The following TMEFF2 variants were observed in gnomAD, a reference collection of about 807,000 sequenced individuals.
TMEFF2 encodes the protein transmembrane protein with EGF like and two follistatin like domains 2, also known as tomoregulin-2.
In TMEFF2, 28 loss-of-function variants were observed where a neutral mutation model predicts 53.8. The ratio of observed to expected loss-of-function variants is 0.52; its 90% CI spans 0.39 to 0.71. The LOEUF is 0.71. TMEFF2 is among the 30% of genes least tolerant of loss of function. TMEFF2 has a pLI of 0.00. For synonymous variants in TMEFF2, 162 were observed against 166.3 expected, an observed-to-expected ratio of 0.97 and a Z score of 0.20; for missense variants, 353 against 455.2, an observed-to-expected ratio of 0.78 and a Z score of 2.04.
chr2:191,973,782 G>C (rs1316897515), intron 7 of TMEFF2, among the ~76,000 whole-genome samples: 1 of 152,122 alleles, frequency 6.6e-6, no homozygotes, highest in Non-Finnish European at 1.5e-5. Context: ...AATCATGGGG[G>C]CAGTTACCTC....
intron 3 of TMEFF2, 99 bp downstream of exon 3, chr2:192,184,255 A>G: frequency 1.4e-6 from 2 of 1,436,108 alleles, no homozygotes; most frequent in South Asian, 2.6e-5. Flanking sequence ...TAGTCAACAT[A>G]TAATCTGAAT....
intron 7 of TMEFF2, among the ~76,000 whole-genome samples, chr2:191,962,497 G>T (rs1692302333): frequency 6.6e-6 from 1 of 152,174 alleles, no homozygotes. Flanking sequence ...ACCAGCATCT[G>T]AAATATACAT....
At chr2:191,962,031 C>T (rs149704558) in intron 7 of TMEFF2, among the ~76,000 whole-genome samples, 1 of 152,266 alleles carries the variant, frequency 6.6e-6, no homozygotes, top group Non-Finnish European at 1.5e-5. Context: ...AATCAATTCT[C>T]AAGTTTTGTA....
intron 4 of TMEFF2, among the ~76,000 whole-genome samples, chr2:192,121,533 T>G (rs1244922512): frequency 6.6e-6 from 1 of 152,156 alleles, no homozygotes; most frequent in Non-Finnish European, 1.5e-5. Context: ...GCTTCAGCTT[T>G]TAAATGAAAA....
intron 7 of TMEFF2, among the ~76,000 whole-genome samples, chr2:191,985,420 T>C (rs1395876644): frequency 6.6e-6 from 1 of 152,190 alleles, no homozygotes; most frequent in Admixed American, 6.5e-5. Flanking sequence ...CACCAGTCTG[T>C]ATCAGAGGGA....
rs1298342926 is a variant in TMEFF2 at position 192,184,338 on chromosome 2, A to C, written c.412+16T>G. 6.2e-7 allele frequency: 1 copy of C among 1,612,102 alleles called. No individual in the cohort carries two copies. Among genetic ancestry groups the C allele is most frequent in the Admixed American group, 1.7e-5 (1 of 59,828 alleles). On this transcript the variant is annotated intron_variant, in intron 3 of 9. Transcript: ENST00000272771. ...GGAATCCATGCAGAAGGTTTCAAAG[A>C]AGATCACACACATACCTGTGGCACA...
At chr2:191,972,655 T>C (rs1054833495) in intron 7 of TMEFF2, among the ~76,000 whole-genome samples, 16 of 152,122 alleles carry the variant, frequency 1.1e-4, no homozygotes, top group African/African-American at 3.6e-4. Context: ...AAATTACTTT[T>C]ATTTCCCTTG....
chr2:192,051,192 T>C (rs1687761940), intron 5 of TMEFF2, among the ~76,000 whole-genome samples: 1 of 151,106 alleles, frequency 6.6e-6, no homozygotes, highest in Non-Finnish European at 1.5e-5. Context: ...AAAAAAAACC[T>C]TGGATTTTCT....
intron 4 of TMEFF2, among the ~76,000 whole-genome samples, chr2:192,150,755 C>T (rs973933324): frequency 6.0e-5 from 9 of 150,972 alleles, no homozygotes; most frequent in African/African-American, 2.2e-4. Context: ...GGATGGGAGC[C>T]AGAATTTCCA....
intron 4 of TMEFF2, among the ~76,000 whole-genome samples, chr2:192,065,031 C>T (rs1688134985): frequency 6.6e-6 from 1 of 151,830 alleles, no homozygotes; most frequent in Non-Finnish European, 1.5e-5. Flanking sequence ...AATATTTTTA[C>T]ATCACTTTCC....
intron 4 of TMEFF2, among the ~76,000 whole-genome samples, chr2:192,131,142 C>A (rs1219982181): frequency 9.8e-5 from 14 of 142,602 alleles, no homozygotes; most frequent in East Asian, 2.4e-4. Context: ...CCCTTCTCTC[C>A]TTGTCTCTAC....
intron 7 of TMEFF2, among the ~76,000 whole-genome samples, chr2:191,972,237 C>T (rs1422828648): frequency 7.4e-5 from 11 of 149,276 alleles, no homozygotes; most frequent in African/African-American, 2.2e-4. Context: ...CTCCGCCTCC[C>T]GGATTCAAGT....
chr2:192,152,905 T>C (rs1321213989), intron 4 of TMEFF2, among the ~76,000 whole-genome samples: 1 of 151,836 alleles, frequency 6.6e-6, no homozygotes, highest in African/African-American at 2.4e-5. Context: ...CTTTAGTGGA[T>C]TTATCAGCAT....
chr2:192,024,192 A>T (rs1281749037), intron 5 of TMEFF2, among the ~76,000 whole-genome samples: 1 of 152,218 alleles, frequency 6.6e-6, no homozygotes, highest in Non-Finnish European at 1.5e-5. Flanking sequence ...ATTATATTTT[A>T]TGGATACTTC....
intron 4 of TMEFF2, among the ~76,000 whole-genome samples, chr2:192,121,999 G>A (rs1689565151): frequency 6.6e-6 from 1 of 152,106 alleles, no homozygotes; most frequent in Non-Finnish European, 1.5e-5. Flanking sequence ...AGTGACTTTA[G>A]TTAACAATAA....
rs557890038 is a variant in TMEFF2, at chr2:192,056,869, G to C, written c.536+810C>G. ...CATGTGAAGCTTCAGTAAGAAGAAG[G>C]CTATTTTAAGAGAAAGTGAGCTCTT... On this transcript the variant is annotated intron_variant, in intron 5 of 9. Coordinates refer to ENST00000272771, the MANE Select transcript of TMEFF2 (RefSeq NM_016192.4). Among the ~76,000 whole-genome samples the C allele has an allele frequency of 9.2e-5, 14 of 152,252 alleles. No homozygotes were observed. The South Asian group carries it at 2.7e-3, about 29-fold the overall frequency.
At chr2:192,047,502 A>G (rs1049660286) in intron 5 of TMEFF2, among the ~76,000 whole-genome samples, 1 of 152,196 alleles carries the variant, frequency 6.6e-6, no homozygotes, top group Admixed American at 6.5e-5. Context: ...AAAGGCTGCA[A>G]TAAATAAAAG....
At chr2:192,039,475 T>C (rs922900248) in intron 5 of TMEFF2, among the ~76,000 whole-genome samples, 1 of 152,206 alleles carries the variant, frequency 6.6e-6, no homozygotes, top group Non-Finnish European at 1.5e-5. Context: ...ATATTTATCA[T>C]AAAACTTTGA....
chr2:192,013,722 T>C (rs1033747826), intron 5 of TMEFF2, among the ~76,000 whole-genome samples: 1 of 152,104 alleles, frequency 6.6e-6, no homozygotes, highest in Non-Finnish European at 1.5e-5. Context: ...AGTGCTGGGA[T>C]TTACAGGCAT....
Sources: gnomAD v4.1 joint callset for allele counts (sites outside exome capture counted in the v4.1 genomes callset) on GRCh38, gnomAD v4.1.1 for gene constraint, MANE v1.5 for transcripts, NCBI Gene and HGNC (gene_info 2026-07-23, HGNC 2026-07-21) for gene names.